The following ANKRD11 variants were observed in gnomAD, a reference collection of about 807,000 sequenced individuals.
ANKRD11 encodes ankyrin repeat domain-containing protein 11.
In ANKRD11, 17 loss-of-function variants were observed where a neutral mutation model predicts 195.7. The ratio of observed to expected loss-of-function variants is 0.09; its 90% confidence interval spans 0.06 to 0.13. The LOEUF (loss-of-function observed/expected upper bound fraction) is 0.13, where lower values mean the gene tolerates loss of function less well. ANKRD11 is among the 10% of genes least tolerant of loss of function. ANKRD11 has a pLI of 1.00. For synonymous variants in ANKRD11, 1,953 were observed against 1,528.1 expected (o/e 1.28, Z -6.49); for missense variants, 3,735 against 3,566.1 (o/e 1.05, Z -1.21).
At chr16:89,376,953 G>A (rs547505123) in intron 2 of ANKRD11, among the ~76,000 whole-genome samples, 3 of 152,342 alleles carry the variant, frequency 2.0e-5, no homozygotes, top group African/African-American at 4.8e-5. Context: ...GAAGGGAAAA[G>A]ATAAACACCA....
intron 4 of ANKRD11, among the ~76,000 whole-genome samples, chr16:89,293,574 G>A (rs1269566620): frequency 1.6e-5 from 2 of 123,888 alleles, no homozygotes; most frequent in Non-Finnish European, 3.4e-5. Flanking sequence ...TTGGGGCTGC[G>A]GAGGGAGGAG....
intron 1 of ANKRD11, among the ~76,000 whole-genome samples, chr16:89,440,864 A>ACAC (rs1376296444): frequency 1.3e-5 from 2 of 152,216 alleles, no homozygotes; most frequent in African/African-American, 4.8e-5. Flanking sequence ...AATGCGTGTG[A>ACAC]GTGCGCATGA....
At chr16:89,349,349 G>A (rs1001363377) in intron 2 of ANKRD11, among the ~76,000 whole-genome samples, 17 of 150,988 alleles carry the variant, frequency 1.1e-4, no homozygotes, top group East Asian at 9.7e-4. Flanking sequence ...GCGTGGTGGC[G>A]GGCGCCTGTA....
At chr16:89,301,620 G>C (rs2035858910) in intron 4 of ANKRD11, 1 of 398,670 alleles carries the variant, frequency 2.5e-6, no homozygotes, top group South Asian at 1.3e-4. Flanking sequence ...TCCTAGGACG[G>C]GCTCTTGCCC....
At chr16:89,361,331 CG>C (rs1194409963) in intron 2 of ANKRD11, among the ~76,000 whole-genome samples, 9 of 152,280 alleles carry the variant, frequency 5.9e-5, no homozygotes, top group Non-Finnish European at 1.2e-4. Flanking sequence ...GCGCCGGGGG[CG>C]GGGGGTGCTG....
chr16:89,482,188 G>C (rs1332583856), intron 1 of ANKRD11, among the ~76,000 whole-genome samples: 4 of 152,044 alleles, frequency 2.6e-5, no homozygotes, highest in African/African-American at 9.7e-5. Context: ...AAAACATGTA[G>C]CTCCTTCCAG....
intron 4 of ANKRD11, among the ~76,000 whole-genome samples, chr16:89,297,166 A>G (rs1342567608): frequency 1.3e-5 from 2 of 152,226 alleles, no homozygotes; most frequent in East Asian, 1.9e-4. Flanking sequence ...TTTTGTATCA[A>G]TCATTTAGCA....
intron 2 of ANKRD11, among the ~76,000 whole-genome samples, chr16:89,330,637 G>A (rs1444622994): frequency 7.6e-6 from 1 of 131,886 alleles, no homozygotes; most frequent in Admixed American, 8.1e-5. Context: ...CACGGCAGTA[G>A]GTTTCCCCAG....
At chr16:89,389,550 A>G (rs573068502) in intron 2 of ANKRD11, among the ~76,000 whole-genome samples, 1 of 152,328 alleles carries the variant, frequency 6.6e-6, no homozygotes, top group East Asian at 1.9e-4. Context: ...AGGAAAAGAC[A>G]CTGGAATGAA....
intron 2 of ANKRD11, among the ~76,000 whole-genome samples, chr16:89,345,428 G>A (rs142147210): frequency 6.6e-6 from 1 of 152,170 alleles, no homozygotes; most frequent in Non-Finnish European, 1.5e-5. Flanking sequence ...GCACTGGGAG[G>A]CAGTCCCGTC....
chr16:89,438,687 A>T (rs2043320126), intron 1 of ANKRD11, among the ~76,000 whole-genome samples: 1 of 152,164 alleles, frequency 6.6e-6, no homozygotes, highest in South Asian at 2.1e-4. Flanking sequence ...TTTGGAAGGC[A>T]TTGCCCCCAA....
At chr16:89,271,064 T>A in intron 11 of ANKRD11, 155 bp from the exon 12 acceptor site, 1 of 722,904 alleles carries the variant, frequency 1.4e-6, no homozygotes, top group Non-Finnish European at 2.4e-6. Flanking sequence ...GTTCAAGGCA[T>A]GGCAGGCGCA....
chr16:89,284,865 C>G lies in ANKRD11; in HGVS notation c.1677G>C (p.Trp559Cys), dbSNP rs1411134954. Residue 559 changes from tryptophan to cysteine, a missense_variant, in exon 9 of 13, where the codon TGG (tryptophan) becomes TGC (cysteine). Physicochemically the swap from Trp to Cys is radical, Grantham distance 215. Transcript: ENST00000301030. ...AGTCTGATAAAGAACTGACCTCTGA[C>G]CAAGCCGGGGAAGAAATGGTTTTCC... The part of the protein sequence containing the change: ...DNWKTISSPA[W>C]SEVSSLSDST... The G allele has an allele frequency of 6.2e-7, 1 of 1,614,042 alleles. No homozygotes were observed. Among genetic ancestry groups the G allele is most frequent in the Admixed American group, 1.7e-5 (1 of 60,028 alleles).
At chr16:89,295,116 T>C (rs560065744) in intron 4 of ANKRD11, among the ~76,000 whole-genome samples, 1 of 152,196 alleles carries the variant, frequency 6.6e-6, no homozygotes, top group South Asian at 2.1e-4. Flanking sequence ...CACAGACAGA[T>C]GTGGCCCTGG....
chr16:89,441,011 G>C (rs2043432919), intron 1 of ANKRD11, among the ~76,000 whole-genome samples: 1 of 152,186 alleles, frequency 6.6e-6, no homozygotes, highest in South Asian at 2.1e-4. Flanking sequence ...GCCGAGGCGG[G>C]CAGATCATGA....
chr16:89,449,592 G>A (rs1349870202), intron 1 of ANKRD11, among the ~76,000 whole-genome samples: 5 of 152,030 alleles, frequency 3.3e-5, no homozygotes, highest in Non-Finnish European at 1.5e-5. Flanking sequence ...TCGAGAGTTC[G>A]AGACCAGCCT....
rs772750104 is a variant in ANKRD11, at chr16:89,279,997, A to G, written c.6545T>C (p.Val2182Ala). 4 of 1,611,942 alleles carry G rather than the reference A, an allele frequency of 2.5e-6. No homozygotes were observed. The highest frequency in any genetic ancestry group is 2.2e-5 in the South Asian group (2 of 91,076). Residue 2182 changes from valine to alanine, a missense_variant, in exon 9 of 13, where the codon GTA (valine) becomes GCA (alanine). Physicochemically the swap from Val to Ala is moderately conservative, Grantham distance 64 (BLOSUM62 0). Transcript: ENST00000301030. This position sits in a 1 kb window ranked among gnomAD's most constrained non-coding sequence, Gnocchi z 5.6. The stretch of plus-strand genomic sequence containing the variant: ...CAGTGCCGGCGGCTCCTCAGCCACT[A>G]CGGTGGAAACATCCCCACCGTTTAT... ...GVINGGDVSTVVAEEPPALPP... is the reference protein window; with the variant it reads ...GVINGGDVSTAVAEEPPALPP...
chr16:89,320,397 T>C (rs1034907993), intron 2 of ANKRD11: 1 of 152,184 alleles, frequency 6.6e-6, no homozygotes, highest in Admixed American at 6.5e-5. Context: ...TCACGACCCT[T>C]GAATCAGCAG....
intron 2 of ANKRD11, among the ~76,000 whole-genome samples, chr16:89,385,200 G>A (rs1223451201): frequency 6.9e-6 from 1 of 145,270 alleles, no homozygotes; most frequent in African/African-American, 2.6e-5. Context: ...TTTTTTGTTT[G>A]TTTGTTTGAG....
Sources: gnomAD v4.1 joint callset for allele counts (sites outside exome capture counted in the v4.1 genomes callset) on GRCh38, gnomAD v4.1.1 for gene constraint, Gnocchi (gnomAD v3.1) non-coding constraint, MANE v1.5 for transcripts, NCBI Gene and HGNC (gene_info 2026-07-23, HGNC 2026-07-21) for gene names.